Variants in KCNIP4 observed in about 807,000 individuals in gnomAD.
The protein encoded by KCNIP4 is potassium voltage-gated channel interacting protein 4.
KCNIP4 carries 12 observed loss-of-function variants against 34.0 expected under a neutral mutation model. The ratio of observed to expected loss-of-function variants is 0.35; its 90% CI spans 0.23 to 0.57. The LOEUF (loss-of-function observed/expected upper bound fraction) is 0.57. KCNIP4 is among the 20% of genes least tolerant of loss of function. The probability of loss-of-function intolerance (pLI) is 0.83; values close to 1 mark genes in which losing one functional copy is unlikely to be tolerated. For synonymous variants in KCNIP4, 124 were observed against 102.2 expected (o/e 1.21, Z -1.29); for missense variants, 238 against 311.7 (o/e 0.76, Z 1.78).
chr4:20,940,132 G>A lies in KCNIP4; in HGVS notation c.62-57423C>T, dbSNP rs77740864. Among the ~76,000 whole-genome samples the A allele has an allele frequency of 3.8e-3, 581 of 152,258 alleles. 2 individuals carry two copies. Among genetic ancestry groups the A allele is most frequent in the African/African-American group, 0.014 (565 of 41,546 alleles). On this transcript the variant is annotated intron_variant, in intron 1 of 8. Transcript: ENST00000382152. ...TGTGGTGGTCTTCTCCACCTAGGAT[G>A]CCTTTCTGTTACTTCTACTTGCAAT...
intron 1 of KCNIP4, among the ~76,000 whole-genome samples, chr4:21,287,632 G>C (rs1206116582): frequency 6.6e-6 from 1 of 152,172 alleles, no homozygotes; most frequent in Non-Finnish European, 1.5e-5. Flanking sequence ...AAGGAAGTTT[G>C]TGGAAGAACC....
chr4:21,667,410 C>T (rs1053951881), intron 1 of KCNIP4, among the ~76,000 whole-genome samples: 1 of 152,198 alleles, frequency 6.6e-6, no homozygotes, highest in Non-Finnish European at 1.5e-5. Context: ...AACAATGTCA[C>T]TGCTAAGCTT....
intron 1 of KCNIP4, among the ~76,000 whole-genome samples, chr4:21,192,307 G>A (rs1294012175): frequency 2.0e-5 from 3 of 152,134 alleles, no homozygotes; most frequent in African/African-American, 4.8e-5. Flanking sequence ...TCCATTTAAG[G>A]TATGGATTAA....
At chr4:21,011,376 G>C (rs912107795) in intron 1 of KCNIP4, among the ~76,000 whole-genome samples, 5 of 152,144 alleles carry the variant, frequency 3.3e-5, no homozygotes, top group African/African-American at 1.2e-4. Flanking sequence ...AGTTGTTATT[G>C]TTCTGAAAGT....
chr4:21,815,720 C>T (rs775573736), intron 1 of KCNIP4, among the ~76,000 whole-genome samples: 4 of 152,042 alleles, frequency 2.6e-5, no homozygotes, highest in Non-Finnish European at 5.9e-5. Context: ...CATAAAAGTA[C>T]TGCCTGTAAA....
chr4:21,376,505 C>T (rs1159139797), intron 1 of KCNIP4, among the ~76,000 whole-genome samples: 1 of 152,132 alleles, frequency 6.6e-6, no homozygotes, highest in Non-Finnish European at 1.5e-5. Flanking sequence ...TTCATTCTTC[C>T]CCAGTCATTC....
At chr4:20,984,225 C>T (rs1353677579) in intron 1 of KCNIP4, among the ~76,000 whole-genome samples, 1 of 152,222 alleles carries the variant, frequency 6.6e-6, no homozygotes, top group African/African-American at 2.4e-5. Context: ...GACTTCAGAG[C>T]TGCGAGGGAA....
At position 21,215,940 on chromosome 4, in the gene KCNIP4, C is replaced by G. The variant is rs866254463; in HGVS notation, c.62-333231G>C. ...AAGCCATCCTCCTACTTCAGCCTCC[C>G]AAGTAGCTGGGACCACAGGCATGTG... On this transcript the variant is annotated intron_variant, in intron 1 of 8. Transcript: ENST00000382152. 4.6e-5 allele frequency among the ~76,000 whole-genome samples: 7 copies of G among 152,202 alleles called. 1 individual carries two copies. In the South Asian group the frequency reaches 1.5e-3, roughly 32 times the overall value.
chr4:20,948,292 T>C (rs1006636990), intron 1 of KCNIP4, among the ~76,000 whole-genome samples: 5 of 152,164 alleles, frequency 3.3e-5, no homozygotes, highest in African/African-American at 1.2e-4. Context: ...CAAAGCAAAA[T>C]TTAATAAGTA....
At chr4:21,567,949 T>C (rs886457628) in intron 1 of KCNIP4, among the ~76,000 whole-genome samples, 3 of 152,136 alleles carry the variant, frequency 2.0e-5, no homozygotes, top group African/African-American at 7.2e-5. Context: ...GCCAGAACAG[T>C]ACTTGATAAT....
chr4:21,793,651 C>A (rs894552008), intron 1 of KCNIP4, among the ~76,000 whole-genome samples: 5 of 152,120 alleles, frequency 3.3e-5, no homozygotes, highest in Non-Finnish European at 1.5e-5. Context: ...GAAATAAATA[C>A]CACCTGAATC....
intron 1 of KCNIP4, among the ~76,000 whole-genome samples, chr4:21,135,988 T>C (rs1433487): frequency 0.55 from 82,957 of 152,088 alleles, 23,539 homozygotes; most frequent in African/African-American, 0.7. Context: ...TGTAAACAGC[T>C]TAAGTAGTAG....
intron 1 of KCNIP4, among the ~76,000 whole-genome samples, chr4:21,151,353 C>T (rs542199459): frequency 6.7e-6 from 1 of 149,622 alleles, no homozygotes; most frequent in South Asian, 2.1e-4. Context: ...CCTTAGTCTA[C>T]TTGGGCTGCC....
chr4:21,779,631 C>T (rs1841184), intron 1 of KCNIP4, among the ~76,000 whole-genome samples: 97,501 of 151,976 alleles, frequency 0.64, 32,401 homozygotes, highest in Non-Finnish European at 0.73. Flanking sequence ...GGAACCAGCA[C>T]GATAGTTCAC....
chr4:20,807,257 CTTCT>C (rs1309949943), intron 3 of KCNIP4, among the ~76,000 whole-genome samples: 2 of 152,064 alleles, frequency 1.3e-5, no homozygotes, highest in African/African-American at 4.8e-5. Flanking sequence ...TAATGTTAGT[CTTCT>C]TTATTTTCTC....
At chr4:21,176,756 G>T (rs1754441576) in intron 1 of KCNIP4, among the ~76,000 whole-genome samples, 1 of 152,048 alleles carries the variant, frequency 6.6e-6, no homozygotes, top group Non-Finnish European at 1.5e-5. Context: ...CCTGACCTTG[G>T]GTGACCCACC....
At chr4:21,082,259 A>G (rs754918340) in intron 1 of KCNIP4, among the ~76,000 whole-genome samples, 8 of 151,836 alleles carry the variant, frequency 5.3e-5, no homozygotes, top group Non-Finnish European at 7.4e-5. Flanking sequence ...ACCACTAAGC[A>G]TATACAACTC....
intron 5 of KCNIP4, among the ~76,000 whole-genome samples, chr4:20,738,689 G>A (rs1299431832): frequency 1.3e-5 from 2 of 152,186 alleles, no homozygotes; most frequent in Non-Finnish European, 2.9e-5. Flanking sequence ...GCAGAAGATG[G>A]GTGATTTCTG....
chr4:21,493,345 T>C (rs773117028), intron 1 of KCNIP4, among the ~76,000 whole-genome samples: 28 of 152,042 alleles, frequency 1.8e-4, no homozygotes, highest in Admixed American at 3.9e-4. Context: ...GCTAGACCAA[T>C]GGGAAATACA....
Sources: gnomAD v4.1 joint callset for allele counts (sites outside exome capture counted in the v4.1 genomes callset) on GRCh38, gnomAD v4.1.1 for gene constraint, MANE v1.5 for transcripts, NCBI Gene and HGNC (gene_info 2026-07-23, HGNC 2026-07-21) for gene names.